TBATA: variants seen among roughly 807,000 people sequenced by gnomAD.
TBATA encodes the protein thymus, brain and testes associated, also known as protein TBATA.
In TBATA, 47 loss-of-function variants were observed where a neutral mutation model predicts 38.7. The observed-to-expected ratio is 1.21, with a 90% confidence interval of 0.96 to 1.55. The LOEUF (loss-of-function observed/expected upper bound fraction) is 1.55, where lower values mean the gene tolerates loss of function less well. Ranked by LOEUF, TBATA falls within the 40% of genes most tolerant of loss-of-function variation. The pLI is 0.00. For missense variants in TBATA, 436 were observed against 435.6 expected (o/e 1.00, Z -0.01); for synonymous variants, 183 against 170.5 (o/e 1.07, Z -0.57).
intron 6 of TBATA, among the ~76,000 whole-genome samples, chr10:70,778,251 G>A (rs539717269): frequency 7.9e-5 from 12 of 152,070 alleles, no homozygotes; most frequent in African/African-American, 2.7e-4. Flanking sequence ...GTTTCTGATG[G>A]TGCCCTGCAT....
intron 7 of TBATA, 95 bp downstream of exon 7, chr10:70,777,058 G>A: frequency 1.5e-6 from 2 of 1,347,860 alleles, no homozygotes; most frequent in Non-Finnish European, 2.0e-6. Context: ...ACAGTCCTAG[G>A]CACCAGTATC....
intron 6 of TBATA, chr10:70,777,751 C>A: frequency 2.3e-6 from 1 of 429,024 alleles, no homozygotes; most frequent in Non-Finnish European, 4.6e-6. Context: ...CACCAAGGGC[C>A]CACCGCCTAC....
intron 7 of TBATA, chr10:70,776,367 C>T: frequency 2.2e-6 from 1 of 456,328 alleles, no homozygotes; most frequent in Non-Finnish European, 4.4e-6. Flanking sequence ...AACCTAATTC[C>T]AGGTGAGGTG....
intron 3 of TBATA, among the ~76,000 whole-genome samples, chr10:70,783,050 C>A (rs752384126): frequency 6.6e-6 from 1 of 152,238 alleles, no homozygotes; most frequent in Non-Finnish European, 1.5e-5. Flanking sequence ...TCTTCTACCC[C>A]CAAGTAACAG....
Position 70,779,698 on chromosome 10 carries a change from G to C in TBATA, c.322C>G (p.Pro108Ala). The change falls in exon 5 of 11, where the codon CCC becomes GCC. Residue 108 changes from proline to alanine, a missense_variant. Transcript: ENST00000456372. ...GAAAAGACAGTTGACTCAGGCAAGG[G>C]GGCTGGAAAATCCCTGACGACACAG... Reference protein sequence around the residue: ...PVCVVRDFPAPLPESTVFSGC... With the variant: ...PVCVVRDFPAALPESTVFSGC... 3 of 1,539,230 alleles carry C rather than the reference G, an allele frequency of 1.9e-6. No homozygotes were observed. Among genetic ancestry groups the C allele is most frequent in the Non-Finnish European group, 2.6e-6 (3 of 1,152,166 alleles).
At chr10:70,777,763 T>A (rs1439614695) in intron 6 of TBATA, 1 of 441,976 alleles carries the variant, frequency 2.3e-6, no homozygotes, top group Non-Finnish European at 4.5e-6. Flanking sequence ...ACCGCCTACC[T>A]TAATTCCCAG....
chr10:70,782,317 C>G, intron 3 of TBATA: 5 of 1,458,416 alleles, frequency 3.4e-6, no homozygotes, highest in Non-Finnish European at 4.6e-6. Flanking sequence ...TCCCAGAGAC[C>G]ATATCTGAAA....
intron 2 of TBATA, 62 bp downstream of exon 2, chr10:70,784,585 G>A (rs1007134480): frequency 1.3e-5 from 2 of 152,104 alleles, no homozygotes; most frequent in African/African-American, 4.8e-5. Context: ...TGAGATCAGG[G>A]AAGCAGGGGA....
At chr10:70,773,869 G>A (rs1186936564) in intron 9 of TBATA, among the ~76,000 whole-genome samples, 6 of 152,336 alleles carry the variant, frequency 3.9e-5, no homozygotes, top group African/African-American at 1.2e-4. Context: ...TAAAACCACT[G>A]CCTTGTGTTA....
rs777868795 is a variant in TBATA, at chr10:70,781,971, C to T, written c.107G>A (p.Gly36Glu). 1.2e-6 allele frequency: 2 copies of T among 1,614,242 alleles called. No individual in the cohort carries two copies. Among genetic ancestry groups the T allele is most frequent in the Non-Finnish European group, 8.5e-7 (1 of 1,180,048 alleles). The change falls in exon 4 of 11, where the codon GGG (glycine) becomes GAG (glutamate). Residue 36 changes from glycine (G) to glutamate (E), a missense_variant. Coordinates refer to ENST00000456372, the MANE Select transcript of TBATA (RefSeq NM_001318241.2). ...TGGGATCACCAGTTCTTTCTGTGGC[C>T]CACTGTCCCTGGGGCTCCTTGGCTT... ...GRKPRSPRDS[G>E]PQKELVIPGI...
rs118129781 is a variant in TBATA, at chr10:70,776,655, C to T, written c.693+498G>A. 2.9e-4 allele frequency among the ~76,000 whole-genome samples: 44 copies of T among 152,286 alleles called. 2 individuals carry two copies. In the East Asian group the frequency reaches 7.5e-3, roughly 26 times the overall value. ...CGTGCATTTTCACAGGGACCTCTGA[C>T]GCCTTCACCCACCGGGATGAGGCAT... On this transcript the variant is annotated intron_variant, in intron 7 of 10. Coordinates refer to ENST00000456372, the MANE Select transcript of TBATA (RefSeq NM_001318241.2).
chr10:70,782,221 G>T, intron 3 of TBATA, 185 bp from the exon 4 acceptor site: 1 of 1,353,580 alleles, frequency 7.4e-7, no homozygotes, highest in Non-Finnish European at 1.0e-6. Context: ...TTCCCAACTG[G>T]TGCAATCCTG....
chr10:70,779,283 T>C (rs1369997479), intron 5 of TBATA, among the ~76,000 whole-genome samples: 8 of 152,200 alleles, frequency 5.3e-5, no homozygotes, highest in Admixed American at 5.2e-4. Context: ...ATATTCCCTA[T>C]AGCATTCTGG....
At chr10:70,780,293 C>G (rs772394107) in intron 4 of TBATA, among the ~76,000 whole-genome samples, 29 of 151,988 alleles carry the variant, frequency 1.9e-4, no homozygotes, top group Non-Finnish European at 4.0e-4. Context: ...TCTGGCTAAC[C>G]CTGGGTGATT....
At chr10:70,773,470 C>CCT (rs1554826525) in intron 9 of TBATA, among the ~76,000 whole-genome samples, 1 of 151,682 alleles carries the variant, frequency 6.6e-6, no homozygotes, top group East Asian at 1.9e-4. Flanking sequence ...TACAGGCCCC[C>CCT]CCGGCTTCAC....
chr10:70,774,213 C>A lies in TBATA; in HGVS notation c.920G>T (p.Ser307Ile), dbSNP rs1472629129. Residue 307 changes from serine (S) to isoleucine (I), a missense_variant and splice_region_variant, in exon 9 of 11, where the codon AGT (serine) becomes ATT (isoleucine). Physicochemically the swap from Ser to Ile is moderately radical, Grantham distance 142. Transcript: ENST00000456372. ...GGGCAGGGCGGGGTGCGGGGCCCACCTGCAGGGTGGCTCTTGCTTCTCTTG... is the reference window on the plus strand; with the variant it reads ...GGGCAGGGCGGGGTGCGGGGCCCACATGCAGGGTGGCTCTTGCTTCTCTTG... Reference protein sequence around the residue: ...PPQEKQEPPCSQSPKKTKISP... With the variant: ...PPQEKQEPPCIQSPKKTKISP... The A allele has an allele frequency of 1.2e-6, 2 of 1,611,822 alleles. No individual in the cohort carries two copies. The highest frequency in any genetic ancestry group is 2.7e-5 in the African/African-American group (2 of 74,952).
chr10:70,772,421 G>C (rs1842882400), intron 10 of TBATA, 93 bp downstream of exon 10: 1 of 1,142,926 alleles, frequency 8.7e-7, no homozygotes, highest in Non-Finnish European at 1.3e-6. Context: ...CTTGGGCAGG[G>C]ACTCATCTCC....
intron 1 of TBATA, among the ~76,000 whole-genome samples, chr10:70,785,068 T>A (rs1486891985): frequency 6.6e-6 from 1 of 152,214 alleles, no homozygotes; most frequent in Admixed American, 6.5e-5. Flanking sequence ...TGACAGGGAC[T>A]CTAGTAGGCC....
intron 9 of TBATA, among the ~76,000 whole-genome samples, chr10:70,773,592 C>A (rs1843010712): frequency 6.6e-6 from 1 of 152,180 alleles, no homozygotes; most frequent in African/African-American, 2.4e-5. Flanking sequence ...TGAATCCCAG[C>A]CCTTCTGCCG....
Sources: gnomAD v4.1 joint callset for allele counts (sites outside exome capture counted in the v4.1 genomes callset) on GRCh38, gnomAD v4.1.1 for gene constraint, MANE v1.5 for transcripts, NCBI Gene and HGNC (gene_info 2026-07-23, HGNC 2026-07-21) for gene names.